Variants in C3orf38 observed in about 807,000 individuals in gnomAD.
C3orf38 encodes chromosome 3 open reading frame 38, also known as uncharacterized protein C3orf38.
In C3orf38, 18 loss-of-function variants were observed where a neutral mutation model predicts 28.3. The ratio of observed to expected loss-of-function variants is 0.64; its 90% CI spans 0.44 to 0.94. The LOEUF is 0.94. C3orf38 is among the 40% of genes least tolerant of loss of function. C3orf38 has a pLI of 0.00. For missense variants in C3orf38, 364 were observed against 396.4 expected (o/e 0.92, Z 0.69); for synonymous variants, 145 against 138.1 (o/e 1.05, Z -0.35).
At chr3:88,155,969 T>A in intron 2 of C3orf38, 52 bp from the exon 3 acceptor site, 1 of 1,385,506 alleles carries the variant, frequency 7.2e-7, no homozygotes, top group Non-Finnish European at 9.7e-7. Context: ...AAAATAGATA[T>A]GAAAGTTAAA....
chr3:88,156,668 A>T lies in C3orf38; in HGVS notation c.*33A>T, dbSNP rs201228824. The T allele has an allele frequency of 1.1e-5, 18 of 1,586,934 alleles. No homozygotes were observed. Among genetic ancestry groups the T allele is most frequent in the Non-Finnish European group, 1.5e-5 (18 of 1,168,734 alleles). On this transcript the variant is annotated 3_prime_UTR_variant, in exon 3 of 3. Transcript: ENST00000318887. ...GAAATGAGACATTGCTGAACAAAAG[A>T]GAACTGGGTTTACCTGACCCTCTAA...
rs925947694 is a variant in C3orf38 at position 88,150,244 on chromosome 3, C to G, written c.133+59C>G. On this transcript the variant is annotated intron_variant, in intron 1 of 2. Coordinates refer to ENST00000318887, the MANE Select transcript of C3orf38 (RefSeq NM_173824.4). The stretch of plus-strand genomic sequence containing the variant: ...CCCCTTCCCCGGCCTCACGCCTACC[C>G]CGCTTAGGCAGAATCCTCGGGAATG... 352 of 1,590,174 alleles carry G rather than the reference C, an allele frequency of 2.2e-4. 1 individual carries two copies. The highest frequency in any genetic ancestry group is 2.3e-4 in the Non-Finnish European group (267 of 1,167,488).
intron 2 of C3orf38, among the ~76,000 whole-genome samples, chr3:88,154,695 C>G (rs1430227275): frequency 1.3e-5 from 2 of 152,150 alleles, no homozygotes; most frequent in Non-Finnish European, 2.9e-5. Flanking sequence ...CTGCAATATA[C>G]TAGGTGTGTT....
chr3:88,151,670 A>G (rs1389584084), intron 1 of C3orf38, among the ~76,000 whole-genome samples: 1 of 152,206 alleles, frequency 6.6e-6, no homozygotes, highest in Non-Finnish European at 1.5e-5. Context: ...TTGGACGCAG[A>G]ATAGAAGTCT....
At chr3:88,155,502 G>A (rs796779337) in intron 2 of C3orf38, among the ~76,000 whole-genome samples, 23 of 148,712 alleles carry the variant, frequency 1.5e-4, no homozygotes, top group African/African-American at 4.9e-4. Context: ...TCTGTTGCGC[G>A]GGCTGGAGTG....
In C3orf38 at chr3:88,156,818, G is replaced by A; in HGVS notation, c.*183G>A. On this transcript the variant is annotated 3_prime_UTR_variant, in exon 3 of 3. Transcript: ENST00000318887. ...ATATTTTAGTTGAAATACCTTTCTG[G>A]ACTACAGACTTACATATCATGTGAA... 2 of 618,584 alleles carry A rather than the reference G, an allele frequency of 3.2e-6. No individual in the cohort carries two copies. Among genetic ancestry groups the A allele is most frequent in the Admixed American group, 6.7e-5 (2 of 29,832 alleles). The allele number at this position is 618,584 out of a possible 1,614,324, so 38.3% of individuals were successfully genotyped here. A position where few individuals can be genotyped will look rare whatever the true frequency, so the allele number is the denominator to read the frequency against.
At chr3:88,153,029 AG>A (rs1707436251) in intron 1 of C3orf38, among the ~76,000 whole-genome samples, 200 bp from the exon 2 acceptor site, 1 of 152,198 alleles carries the variant, frequency 6.6e-6, no homozygotes, top group African/African-American at 2.4e-5. Context: ...AAGAGATTTT[AG>A]GTAAGGGAAG....
chr3:88,150,399 C>T (rs1038460297), intron 1 of C3orf38, among the ~76,000 whole-genome samples: 4 of 152,082 alleles, frequency 2.6e-5, no homozygotes, highest in Admixed American at 1.3e-4. Flanking sequence ...TTATGGGCAG[C>T]GCTTGTTGAT....
chr3:88,154,994 G>A (rs1466797763), intron 2 of C3orf38, among the ~76,000 whole-genome samples: 1 of 151,998 alleles, frequency 6.6e-6, no homozygotes, highest in African/African-American at 2.4e-5. Flanking sequence ...CAAGTAGCTG[G>A]AATTACAGGC....
Position 88,152,471 on chromosome 3 carries a change from A to G in C3orf38, c.134-759A>G, listed in dbSNP as rs186539511. On this transcript the variant is annotated intron_variant, in intron 1 of 2. Coordinates refer to ENST00000318887, the MANE Select transcript of C3orf38 (RefSeq NM_173824.4). ...CCTGGTTCTGCCACTTTCTAGAAAT[A>G]CAATAGTTGGGCCGGGCTTGGTGAC... 7.1e-4 allele frequency among the ~76,000 whole-genome samples: 107 copies of G among 151,670 alleles called. 1 individual carries two copies. The Middle Eastern group carries it at 0.017, about 24-fold the overall frequency.
rs765891507 is a variant in C3orf38 at position 88,150,023 on chromosome 3, T to G, written c.-30T>G. The G allele has an allele frequency of 8.3e-6, 13 of 1,570,590 alleles. No individual in the cohort carries two copies. Among genetic ancestry groups the G allele is most frequent in the Middle Eastern group, 1.7e-4 (1 of 5,984 alleles). ...CAGTGGGCCGTAGGGGCGACATTGT[T>G]GCCGTTGTCTTTCCCCCCCAGTCCC... On this transcript the variant is annotated 5_prime_UTR_variant, in exon 1 of 3. Coordinates refer to ENST00000318887, the MANE Select transcript of C3orf38 (RefSeq NM_173824.4).
Position 88,150,109 on chromosome 3 carries a change from C to T in C3orf38, c.57C>T (p.Gly19=), listed in dbSNP as rs753284306. ...TGGAGGGCTGCCGTAACCTACTTGG[C>T]CTACTGGACAACGACGAGATCATGG... ...SEMEGCRNLL[G]LLDNDEIMAL... Residue 19 remains glycine (G), a synonymous_variant, in exon 1 of 3, where the codon GGC becomes GGT. Coordinates refer to ENST00000318887, the MANE Select transcript of C3orf38 (RefSeq NM_173824.4). 1.2e-5 allele frequency: 20 copies of T among 1,614,184 alleles called. No individual in the cohort carries two copies. The South Asian group carries it at 2.0e-4, about 16-fold the overall frequency.
intron 2 of C3orf38, among the ~76,000 whole-genome samples, chr3:88,155,512 G>A (rs369808176): frequency 1.1e-4 from 16 of 148,778 alleles, no homozygotes; most frequent in South Asian, 4.2e-4. Context: ...GGGCTGGAGT[G>A]CAGTGATGCT....
intron 2 of C3orf38, 136 bp downstream of exon 2, chr3:88,153,607 T>G: frequency 9.1e-7 from 1 of 1,099,124 alleles, no homozygotes; most frequent in Non-Finnish European, 1.3e-6. Context: ...ATTCTTGCTC[T>G]GTTGCCCAGG....
chr3:88,155,248 G>C (rs548145951), intron 2 of C3orf38, among the ~76,000 whole-genome samples: 1 of 152,136 alleles, frequency 6.6e-6, no homozygotes, highest in South Asian at 2.1e-4. Flanking sequence ...CACCGTAAGA[G>C]TATCTATTTA....
chr3:88,157,838 T>G lies in C3orf38; in HGVS notation c.*1203T>G, dbSNP rs1707501242. Reference sequence around the variant, plus strand: ...AATCATCTAGGGAGACTGATAAGAATTTTGGAAATGGGAGCCTGGAAACTC... The same window carrying G: ...AATCATCTAGGGAGACTGATAAGAAGTTTGGAAATGGGAGCCTGGAAACTC... On this transcript the variant is annotated 3_prime_UTR_variant, in exon 3 of 3. Transcript: ENST00000318887. The G allele has an allele frequency of 6.6e-6, 1 of 152,168 alleles. No individual in the cohort carries two copies. The highest frequency in any genetic ancestry group is 6.5e-5 in the Admixed American group (1 of 15,280). The allele number at this position is 152,168 out of a possible 1,614,324, so 9.4% of individuals were successfully genotyped here. A position where few individuals can be genotyped will look rare whatever the true frequency, so the allele number is the denominator to read the frequency against.
At position 88,156,335 on chromosome 3, in the gene C3orf38, G is replaced by T; in HGVS notation, c.690G>T (p.Gly230=). 1.2e-6 allele frequency: 2 copies of T among 1,614,158 alleles called. No individual in the cohort carries two copies. Among genetic ancestry groups the T allele is most frequent in the Non-Finnish European group, 1.7e-6 (2 of 1,180,028 alleles). The change falls in exon 3 of 3, where the codon GGG becomes GGT. Residue 230 remains glycine, a synonymous_variant. Transcript: ENST00000318887. ...HGLKCASSPH[G]LVMVGVAGTV... is the part of the protein sequence containing the mutation. ...TGAAATGTGCATCTTCTCCTCATGG[G>T]CTGGTTATGGTTGGAGTTGCTGGGA...
Position 88,153,343 on chromosome 3 carries a change from C to A in C3orf38, c.247C>A (p.Pro83Thr). ...KYLATQGIVI[P>T]PATEKHNLIQ... ...CTTGGCAACACAGGGGATTGTTATA[C>A]CTCCAGCTACTGAAAAACACAATCT... is the stretch of plus-strand genomic sequence containing the variant. The change falls in exon 2 of 3, where the codon CCT becomes ACT. Residue 83 changes from proline to threonine, a missense_variant. By Grantham distance (38) the Pro-to-Thr change is conservative (BLOSUM62 -1). Coordinates refer to ENST00000318887, the MANE Select transcript of C3orf38 (RefSeq NM_173824.4). The A allele has an allele frequency of 6.2e-7, 1 of 1,613,714 alleles. No homozygotes were observed. Among genetic ancestry groups the A allele is most frequent in the Non-Finnish European group, 8.5e-7 (1 of 1,179,976 alleles).
chr3:88,155,236 A>G (rs756874069), intron 2 of C3orf38, among the ~76,000 whole-genome samples: 2 of 152,160 alleles, frequency 1.3e-5, no homozygotes, highest in Non-Finnish European at 2.9e-5. Context: ...ACCTGTTTCA[A>G]TCACCGTAAG....
Sources: gnomAD v4.1 joint callset for allele counts (sites outside exome capture counted in the v4.1 genomes callset) on GRCh38, gnomAD v4.1.1 for gene constraint, MANE v1.5 for transcripts, NCBI Gene and HGNC (gene_info 2026-07-23, HGNC 2026-07-21) for gene names.